Variants in PGAP6 observed in about 807,000 individuals in gnomAD.
The protein encoded by PGAP6 is post-GPI attachment to proteins factor 6.
Under a neutral mutation model 68.4 loss-of-function variants are expected in PGAP6, and 62 were observed. The ratio of observed to expected loss-of-function variants is 0.91; its 90% CI spans 0.74 to 1.12. The LOEUF is 1.12. Ranked by LOEUF, PGAP6 falls within the 50% of genes most tolerant of loss-of-function variation. PGAP6 has a pLI of 0.00. For missense variants in PGAP6, 1,188 were observed against 1,068.5 expected (o/e 1.11, Z -1.56); for synonymous variants, 575 against 474.0 (o/e 1.21, Z -2.77).
intron 1 of PGAP6, among the ~76,000 whole-genome samples, chr16:381,123 A>G (rs1294858643): frequency 6.6e-6 from 1 of 152,216 alleles, no homozygotes. Context: ...TTTCCCAACA[A>G]GAGGGGAGAG....
chr16:372,379 C>G, intron 12 of PGAP6, 96 bp from the exon 13 acceptor site: 1 of 1,371,882 alleles, frequency 7.3e-7, no homozygotes, highest in South Asian at 1.3e-5. Context: ...CTGCCCAGGT[C>G]TGGGCAGCAG....
In PGAP6 at chr16:371,572, C is replaced by T. The variant is rs1274711887; in HGVS notation, c.*415G>A. ...GTCTCGGAGTCCACAGCTCCCGGCCCCAGTGGTGGGCTCAGGGCTCCTGGG... is the reference window on the plus strand; with the variant it reads ...GTCTCGGAGTCCACAGCTCCCGGCCTCAGTGGTGGGCTCAGGGCTCCTGGG... On this transcript the variant is annotated 3_prime_UTR_variant, in exon 13 of 13. Transcript: ENST00000431232. The T allele has an allele frequency of 5.5e-6, 1 of 181,964 alleles. No homozygotes were observed. The highest frequency in any genetic ancestry group is 1.2e-5 in the Non-Finnish European group (1 of 86,886). The allele number at this position is 181,964 out of a possible 1,614,324, so 11.3% of individuals were successfully genotyped here.
At chr16:380,650 G>A (rs889195217) in intron 1 of PGAP6, among the ~76,000 whole-genome samples, 8 of 152,262 alleles carry the variant, frequency 5.3e-5, no homozygotes, top group Non-Finnish European at 1.0e-4. Flanking sequence ...GCAGGCGTGA[G>A]CTTCGCGCCT....
At chr16:378,289 G>C (rs75793184) in intron 1 of PGAP6, among the ~76,000 whole-genome samples, 11,670 of 46,992 alleles carry the variant, frequency 0.25, 286 homozygotes, top group Non-Finnish European at 0.29. Context: ...CACTGCCATC[G>C]CCACCCGCAC....
Position 374,237 on chromosome 16 carries a change from G to T in PGAP6, c.1739C>A (p.Thr580Asn), listed in dbSNP as rs1349680916. ...CCAGCCTACCGTGGAGAAGAACATG[G>T]TGTAGGCGTAGACGGAGGCCTCCAC... ...FLVEASVYAYTMFFSTFYHAC... is the reference protein window; with the variant it reads ...FLVEASVYAYNMFFSTFYHAC... The change falls in exon 10 of 13, where the codon ACC becomes AAC. Residue 580 changes from threonine (T) to asparagine (N), a missense_variant. Thr to Asn is a moderately conservative substitution (Grantham distance 65, BLOSUM62 0). Transcript: ENST00000431232. 6.2e-7 allele frequency: 1 copy of T among 1,609,504 alleles called. No homozygotes were observed.
chr16:377,846 C>T lies in PGAP6; in HGVS notation c.124G>A (p.Val42Met), dbSNP rs866191889. 1.3e-6 allele frequency: 2 copies of T among 1,554,618 alleles called. No homozygotes were observed. Among genetic ancestry groups the T allele is most frequent in the Admixed American group, 1.9e-5 (1 of 51,460 alleles). ...GAGAAGTGCTCGGACACCAGCCCCA[C>T]CTCTGTGAGGAGAAGGAGGTGTCAG... ...ASAGYSGKSEVGLVSEHFSQA... is the reference protein window; with the variant it reads ...ASAGYSGKSEMGLVSEHFSQA... Residue 42 changes from valine (V) to methionine (M), a missense_variant and splice_region_variant, in exon 2 of 13, where the codon GTG (valine) becomes ATG (methionine). Transcript: ENST00000431232.
intron 1 of PGAP6, among the ~76,000 whole-genome samples, chr16:379,606 C>T (rs2054421406): frequency 1.3e-5 from 2 of 152,374 alleles, no homozygotes; most frequent in East Asian, 3.9e-4. Context: ...GCAGCACACA[C>T]AGCCCCTGGG....
chr16:376,368 G>C lies in PGAP6; in HGVS notation c.992C>G (p.Pro331Arg), dbSNP rs748293864. Reference sequence around the variant, plus strand: ...GCCCAGGTCCTGGTGGTCGGGGCTCGGGGACAGCAGACCAGAGGAGGCATT... The same window carrying C: ...GCCCAGGTCCTGGTGGTCGGGGCTCCGGGACAGCAGACCAGAGGAGGCATT... ...SFNASSGLLS[P>R]SPDHQDLGRS... The change falls in exon 6 of 13, where the codon CCG becomes CGG. Residue 331 changes from proline to arginine, a missense_variant. Pro to Arg is a moderately radical substitution (Grantham distance 103). Transcript: ENST00000431232. The C allele has an allele frequency of 6.2e-7, 1 of 1,611,610 alleles. No homozygotes were observed. Among genetic ancestry groups the C allele is most frequent in the Non-Finnish European group, 8.5e-7 (1 of 1,179,318 alleles).
intron 1 of PGAP6, among the ~76,000 whole-genome samples, chr16:380,491 C>T (rs2054427630): frequency 6.6e-6 from 1 of 152,070 alleles, no homozygotes; most frequent in African/African-American, 2.4e-5. Context: ...CTCAGCCTCC[C>T]GAGTGGCTGG....
chr16:377,541 G>C lies in PGAP6; in HGVS notation c.344C>G (p.Thr115Ser), dbSNP rs775345548. 1 of 1,590,116 alleles carries C rather than the reference G, an allele frequency of 6.3e-7. No homozygotes were observed. The highest frequency in any genetic ancestry group is 1.8e-5 in the Admixed American group (1 of 56,146). Residue 115 changes from threonine (T) to serine (S), a missense_variant, in exon 3 of 13, where the codon ACC becomes AGC. Physicochemically the swap from Thr to Ser is moderately conservative, Grantham distance 58. Transcript: ENST00000431232. Reference sequence around the variant, plus strand: ...TACCGCGGTGTCGTCCGGGAAGCTGGTGCCCAGCGGGTTGATGACCGGAGG... The same window carrying C: ...TACCGCGGTGTCGTCCGGGAAGCTGCTGCCCAGCGGGTTGATGACCGGAGG... ...GAPPVINPLG[T>S]SFPDDTAVQP...
intron 1 of PGAP6, among the ~76,000 whole-genome samples, chr16:380,196 T>G (rs963766818): frequency 2.0e-5 from 3 of 152,152 alleles, no homozygotes; most frequent in African/African-American, 7.2e-5. Context: ...ACAGGAGAAT[T>G]TCCTTTGCCA....
At chr16:376,508 G>C in intron 5 of PGAP6, 36 bp downstream of exon 5, 1 of 1,544,546 alleles carries the variant, frequency 6.5e-7, no homozygotes, top group Non-Finnish European at 8.7e-7. Flanking sequence ...ATCTGGGGAG[G>C]GGCAGGGCCA....
chr16:383,094 C>A (rs183430680), upstream of PGAP6, among the ~76,000 whole-genome samples: 171 of 151,916 alleles, frequency 1.1e-3, no homozygotes, highest in Admixed American at 9.8e-4. Flanking sequence ...CCAGCCTGGG[C>A]GACAGAGCGA....
Position 371,947 on chromosome 16 carries a change from T to A in PGAP6, c.*40A>T. Reference sequence around the variant, plus strand: ...CCTCCCCCTCGATACAGCTCCTGGCTGAAGAGGTCATCAGAGCAGCAGCTG... The same window carrying A: ...CCTCCCCCTCGATACAGCTCCTGGCAGAAGAGGTCATCAGAGCAGCAGCTG... On this transcript the variant is annotated 3_prime_UTR_variant, in exon 13 of 13. Coordinates refer to ENST00000431232, the MANE Select transcript of PGAP6 (RefSeq NM_021259.3). 6.3e-7 allele frequency: 1 copy of A among 1,588,738 alleles called. No homozygotes were observed. Among genetic ancestry groups the A allele is most frequent in the Non-Finnish European group, 8.6e-7 (1 of 1,165,792 alleles).
In PGAP6 at chr16:376,324, G is replaced by C. The variant is rs375151187; in HGVS notation, c.1036C>G (p.Arg346Gly). The C allele has an allele frequency of 4.3e-6, 7 of 1,612,568 alleles. No homozygotes were observed. In the South Asian group the frequency reaches 7.7e-5, roughly 18 times the overall value. Reference sequence around the variant, plus strand: ...TAGTTTGTGAGGCAGAAGGGGCTGCGGTCCACCCTGCCACTCCTGCCCAGG... The same window carrying C: ...TAGTTTGTGAGGCAGAAGGGGCTGCCGTCCACCCTGCCACTCCTGCCCAGG... ...QDLGRSGRVD[R>G]SPFCLTNYPV... The change falls in exon 6 of 13, where the codon CGC (arginine) becomes GGC (glycine). Residue 346 changes from arginine to glycine, a missense_variant. Transcript: ENST00000431232.
upstream of PGAP6, chr16:386,597 T>A (rs1185895198): frequency 9.0e-6 from 3 of 334,412 alleles, no homozygotes; most frequent in Non-Finnish European, 1.7e-5. Flanking sequence ...CAGACAGAAA[T>A]AGTTTCCCCA....
rs747766046 is a variant in PGAP6 at position 374,025 on chromosome 16, G to T, written c.1882C>A (p.Leu628Ile). The T allele has an allele frequency of 1.2e-5, 19 of 1,610,946 alleles. No individual in the cohort carries two copies. The Middle Eastern group carries it at 4.9e-4, about 42-fold the overall frequency. Residue 628 changes from leucine to isoleucine, a missense_variant, in exon 11 of 13, where the codon CTC becomes ATC. Transcript: ENST00000431232. ...IWVTILCMAR[L>I]KTVLKYVLFL... Reference sequence around the variant, plus strand: ...CTCACGTATTTCAGGACTGTCTTGAGCCGTGCCATGCACAGGATGGTGACC... The same window carrying T: ...CTCACGTATTTCAGGACTGTCTTGATCCGTGCCATGCACAGGATGGTGACC...
Position 376,229 on chromosome 16 carries a change from C to T in PGAP6, c.1131G>A (p.Arg377=), listed in dbSNP as rs2054381505. 1 of 1,612,786 alleles carries T rather than the reference C, an allele frequency of 6.2e-7. No individual in the cohort carries two copies. The highest frequency in any genetic ancestry group is 1.7e-5 in the Admixed American group (1 of 60,018). The change falls in exon 6 of 13, where the codon AGG becomes AGA. Residue 377 remains arginine (R), a synonymous_variant. Coordinates refer to ENST00000431232, the MANE Select transcript of PGAP6 (RefSeq NM_021259.3). ...TCACGGAGGGCGTGTCCGAACACAC[C>T]CTCACCGAGACCCTGTCCAGGGGCT... ...HFQPLDRVSV[R]VCSDTPSVMR...
At chr16:381,575 G>T in intron 1 of PGAP6, 126 bp downstream of exon 1, 2 of 737,752 alleles carry the variant, frequency 2.7e-6, no homozygotes, top group Non-Finnish European at 3.5e-6. Context: ...CCCCCAACCC[G>T]CGGCGGGGAC....
Sources: gnomAD v4.1 joint callset for allele counts (sites outside exome capture counted in the v4.1 genomes callset) on GRCh38, gnomAD v4.1.1 for gene constraint, MANE v1.5 for transcripts, NCBI Gene and HGNC (gene_info 2026-07-23, HGNC 2026-07-21) for gene names.